RANBP2: variants seen among roughly 807,000 people sequenced by gnomAD.
RANBP2 encodes RAN binding protein 2.
Under a neutral mutation model 303.6 loss-of-function variants are expected in RANBP2, and 57 were observed. That is an observed-to-expected ratio of 0.19 (90% CI 0.15 to 0.23). The LOEUF (loss-of-function observed/expected upper bound fraction) is 0.23. RANBP2 is among the 10% of genes least tolerant of loss of function. RANBP2 has a pLI of 1.00. For synonymous variants in RANBP2, 1,167 were observed against 1,301.5 expected (o/e 0.90, Z 2.23); for missense variants, 3,138 against 3,780.8 (o/e 0.83, Z 4.46).
At chr2:109,084,789 G>A in the RANBP2 span, among the ~76,000 whole-genome samples, 1 of 152,190 alleles carries the variant, frequency 6.6e-6, no homozygotes, top group African/African-American at 2.4e-5. Context: ...GAACACTGTG[G>A]ACGCCACTCA....
the RANBP2 span, among the ~76,000 whole-genome samples, chr2:109,599,185 C>T: frequency 5.9e-5 from 9 of 152,030 alleles, no homozygotes; most frequent in South Asian, 1.9e-3. Flanking sequence ...AGGCCGGGCG[C>T]GGTGGCTCAC....
the RANBP2 span, among the ~76,000 whole-genome samples, chr2:109,024,758 A>G: frequency 7.9e-5 from 12 of 152,168 alleles, no homozygotes; most frequent in Non-Finnish European, 1.6e-4. Context: ...ACAAACCTTC[A>G]CTGGAAGAGG....
At chr2:108,861,998 A>G in the RANBP2 span, among the ~76,000 whole-genome samples, 1 of 149,822 alleles carries the variant, frequency 6.7e-6, no homozygotes, top group East Asian at 2.0e-4. Context: ...ATGTGTTTAT[A>G]TGTTTTTGAG....
At chr2:108,839,413 T>C in the RANBP2 span, 1 of 868,942 alleles carries the variant, frequency 1.2e-6, no homozygotes, top group Non-Finnish European at 1.7e-6. Flanking sequence ...AGAATAATCT[T>C]CCCTATCTAT....
the RANBP2 span, among the ~76,000 whole-genome samples, chr2:109,661,533 A>T: frequency 6.6e-6 from 1 of 152,282 alleles, no homozygotes; most frequent in African/African-American, 2.4e-5. Context: ...GGCATGAGTC[A>T]CCGTGCCTGG....
the RANBP2 span, among the ~76,000 whole-genome samples, chr2:109,692,365 G>GTGTTCTAAAC: frequency 6.6e-6 from 1 of 152,190 alleles, no homozygotes; most frequent in Non-Finnish European, 1.5e-5. Flanking sequence ...GTGTTCTAAA[G>GTGTTCTAAAC]TGGTTACGGT....
the RANBP2 span, chr2:109,437,081 C>T: frequency 9.3e-6 from 15 of 1,613,712 alleles, no homozygotes; most frequent in Non-Finnish European, 1.3e-5. Flanking sequence ...TCGCCCCCAA[C>T]AGGCAGCTGT....
chr2:109,559,540 C>T, the RANBP2 span, among the ~76,000 whole-genome samples: 1 of 152,186 alleles, frequency 6.6e-6, no homozygotes, highest in Non-Finnish European at 1.5e-5. Flanking sequence ...TGAAGAAATG[C>T]TCAGCAAATG....
the RANBP2 span, among the ~76,000 whole-genome samples, chr2:108,834,135 T>A: frequency 1.3e-5 from 2 of 151,978 alleles, no homozygotes; most frequent in Admixed American, 6.6e-5. Context: ...TCCAAGTGTT[T>A]CCTGTCATCA....
chr2:108,955,799 G>T, the RANBP2 span, among the ~76,000 whole-genome samples: 3 of 152,194 alleles, frequency 2.0e-5, no homozygotes, highest in African/African-American at 7.2e-5. Flanking sequence ...GGCCGAGGCG[G>T]GCAGACCACA....
chr2:109,021,813 T>C, the RANBP2 span, among the ~76,000 whole-genome samples: 2 of 152,030 alleles, frequency 1.3e-5, no homozygotes, highest in African/African-American at 4.8e-5. Flanking sequence ...AGCAGACAAA[T>C]AGCGGTTAAG....
chr2:109,223,601 G>A, the RANBP2 span, among the ~76,000 whole-genome samples: 1 of 152,118 alleles, frequency 6.6e-6, no homozygotes, highest in African/African-American at 2.4e-5. Context: ...GAGGGCAGTA[G>A]CACCATGCAG....
At chr2:109,460,133 G>C in the RANBP2 span, among the ~76,000 whole-genome samples, 1,700 of 152,324 alleles carry the variant, frequency 0.011, 29 homozygotes, top group African/African-American at 0.039. Context: ...ATTTGCTATG[G>C]AGTGAGCTCC....
At chr2:108,997,589 G>A in the RANBP2 span, among the ~76,000 whole-genome samples, 1 of 151,768 alleles carries the variant, frequency 6.6e-6, no homozygotes, top group Admixed American at 6.6e-5. Context: ...CTGAAGACCT[G>A]GTGTTAAGAC....
chr2:109,612,805 G>C, the RANBP2 span, among the ~76,000 whole-genome samples: 2 of 152,182 alleles, frequency 1.3e-5, no homozygotes, highest in Non-Finnish European at 2.9e-5. Context: ...AGAATGAAAA[G>C]AGACCTGGGC....
chr2:109,533,999 G>A, the RANBP2 span, among the ~76,000 whole-genome samples: 2 of 152,200 alleles, frequency 1.3e-5, no homozygotes, highest in Non-Finnish European at 2.9e-5. Context: ...CCAGGGCAGC[G>A]CTGCACAGTG....
chr2:109,300,004 T>C, the RANBP2 span, among the ~76,000 whole-genome samples: 1 of 152,174 alleles, frequency 6.6e-6, no homozygotes, highest in African/African-American at 2.4e-5. Context: ...CTTCAAGAAT[T>C]TGGAAACTGG....
the RANBP2 span, among the ~76,000 whole-genome samples, chr2:109,510,379 C>A: frequency 2.0e-5 from 3 of 152,122 alleles, no homozygotes; most frequent in Non-Finnish European, 2.9e-5. Context: ...GGGCAAAGGG[C>A]AAGGCGTCTC....
At chr2:108,852,244 T>C in the RANBP2 span, among the ~76,000 whole-genome samples, 2 of 152,304 alleles carry the variant, frequency 1.3e-5, no homozygotes, top group Middle Eastern at 6.8e-3. Flanking sequence ...GAAATAAAAT[T>C]TAACTGTAAG....
Sources: gnomAD v4.1 joint callset for allele counts (sites outside exome capture counted in the v4.1 genomes callset) on GRCh38, gnomAD v4.1.1 for gene constraint, MANE v1.5 for transcripts, NCBI Gene and HGNC (gene_info 2026-07-23, HGNC 2026-07-21) for gene names.